KIAA1217: variants seen among roughly 807,000 people sequenced by gnomAD.
KIAA1217 encodes sickle tail protein homolog.
A neutral mutation model predicts 163.9 loss-of-function variants in KIAA1217; 88 were observed. The ratio of observed to expected loss-of-function variants is 0.54; its 90% CI spans 0.45 to 0.64. The LOEUF (loss-of-function observed/expected upper bound fraction) is 0.64, where lower values mean the gene tolerates loss of function less well. Among genes scored for constraint, KIAA1217 ranks in the 30% least tolerant of loss-of-function variants. KIAA1217 has a pLI of 0.00. For synonymous variants in KIAA1217, 903 were observed against 923.1 expected, an observed-to-expected ratio of 0.98 and a Z score of 0.39; for missense variants, 2,372 against 2,475.0, an observed-to-expected ratio of 0.96 and a Z score of 0.88.
intron 2 of KIAA1217, chr10:24,255,612 G>C: frequency 2.3e-6 from 1 of 442,766 alleles, no homozygotes; most frequent in Non-Finnish European, 4.5e-6. Flanking sequence ...GGAGTGGCCT[G>C]ATTCTGGGGT....
chr10:24,420,989 TTTTGTTTG>T (rs370766839), intron 3 of KIAA1217, among the ~76,000 whole-genome samples: 10 of 146,076 alleles, frequency 6.8e-5, no homozygotes, highest in African/African-American at 2.5e-4. Flanking sequence ...TTATAAGTGG[TTTTGTTTG>T]TTTGTTTGTT....
chr10:24,343,684 G>T (rs1394052702), intron 2 of KIAA1217, among the ~76,000 whole-genome samples: 5 of 152,132 alleles, frequency 3.3e-5, no homozygotes, highest in African/African-American at 1.2e-4. Context: ...ATTAAGCATT[G>T]TTTGTGTTCT....
At position 24,334,230 on chromosome 10, in the gene KIAA1217, A is replaced by G. The variant is rs532567432; in HGVS notation, c.355-46639A>G. Among the ~76,000 whole-genome samples the G allele has an allele frequency of 2.0e-5, 3 of 152,278 alleles. No homozygotes were observed. The South Asian group carries it at 6.2e-4, about 32-fold the overall frequency. On this transcript the variant is annotated intron_variant, in intron 2 of 20. Transcript: ENST00000376454. ...GATTAGTATTAGTTTTGGATGACTT[A>G]GTCTATTGCAAGAAAGTTTTCACTA...
At chr10:24,475,073 G>T (rs905002439) in intron 6 of KIAA1217, among the ~76,000 whole-genome samples, 2 of 152,230 alleles carry the variant, frequency 1.3e-5, no homozygotes, top group South Asian at 2.1e-4. Context: ...ACAAAAATTA[G>T]TCGGGTGTGG....
At chr10:24,027,459 T>C (rs1326856534) in intron 2 of KIAA1217, among the ~76,000 whole-genome samples, 1 of 152,114 alleles carries the variant, frequency 6.6e-6, no homozygotes, top group East Asian at 1.9e-4. Flanking sequence ...CAGAAACAAG[T>C]CAAAAACTAT....
chr10:23,890,648 G>A (rs541303184), intron 1 of KIAA1217, among the ~76,000 whole-genome samples: 3 of 152,002 alleles, frequency 2.0e-5, no homozygotes, highest in Middle Eastern at 6.8e-3. Context: ...TTTTTTGAAT[G>A]CATTATACAC....
intron 5 of KIAA1217, among the ~76,000 whole-genome samples, chr10:24,447,231 ATATT>A (rs1002993132): frequency 2.2e-4 from 33 of 151,188 alleles, no homozygotes; most frequent in African/African-American, 7.5e-4. Context: ...AATGATTTAT[ATATT>A]TATTTATTTA....
At chr10:24,100,928 AT>A (rs1564702063) in intron 2 of KIAA1217, among the ~76,000 whole-genome samples, 1 of 152,242 alleles carries the variant, frequency 6.6e-6, no homozygotes, top group Non-Finnish European at 1.5e-5. Context: ...CTAAAAATAT[AT>A]AGAAAAAATA....
chr10:24,437,916 A>AG (rs1362488585), intron 4 of KIAA1217, among the ~76,000 whole-genome samples: 6 of 149,518 alleles, frequency 4.0e-5, no homozygotes, highest in African/African-American at 1.5e-4. Context: ...CAAAAAAAAA[A>AG]AAAAAAAAAG....
intron 1 of KIAA1217, among the ~76,000 whole-genome samples, chr10:23,836,231 C>A (rs1306932758): frequency 1.3e-5 from 2 of 152,018 alleles, no homozygotes; most frequent in African/African-American, 4.8e-5. Flanking sequence ...CTTTTAAAAA[C>A]CTACTTTTCT....
chr10:24,028,545 A>C (rs1367666715), intron 2 of KIAA1217, among the ~76,000 whole-genome samples: 1 of 152,178 alleles, frequency 6.6e-6, no homozygotes, highest in Non-Finnish European at 1.5e-5. Flanking sequence ...ATGAAAGAAC[A>C]TAAAAGAATC....
At chr10:23,993,433 G>A (rs1482409884) in intron 1 of KIAA1217, among the ~76,000 whole-genome samples, 5 of 151,840 alleles carry the variant, frequency 3.3e-5, no homozygotes, top group Non-Finnish European at 7.4e-5. Context: ...CTATTGCTTA[G>A]TCCCCTCATC....
At chr10:24,173,951 C>A (rs1409135453) in intron 2 of KIAA1217, among the ~76,000 whole-genome samples, 1 of 152,192 alleles carries the variant, frequency 6.6e-6, no homozygotes, top group Non-Finnish European at 1.5e-5. Context: ...TTCTGAATGT[C>A]CCATGGGGCT....
chr10:23,863,221 A>G (rs1840036189), intron 1 of KIAA1217, among the ~76,000 whole-genome samples: 1 of 152,126 alleles, frequency 6.6e-6, no homozygotes, highest in African/African-American at 2.4e-5. Context: ...ATAAGCACTC[A>G]ATGCATATTA....
intron 2 of KIAA1217, among the ~76,000 whole-genome samples, chr10:24,021,539 T>C (rs1847732413): frequency 6.6e-6 from 1 of 152,006 alleles, no homozygotes. Flanking sequence ...ATCTACAGAT[T>C]CAGTGTAATA....
At chr10:24,076,874 C>A (rs1400779339) in intron 2 of KIAA1217, among the ~76,000 whole-genome samples, 1 of 142,582 alleles carries the variant, frequency 7.0e-6, no homozygotes, top group East Asian at 1.9e-4. Context: ...TTTTTATTTC[C>A]ATCTTTTTTT....
At chr10:24,492,928 C>T (rs2066332263) in intron 6 of KIAA1217, among the ~76,000 whole-genome samples, 1 of 152,020 alleles carries the variant, frequency 6.6e-6, no homozygotes, top group Admixed American at 6.6e-5. Flanking sequence ...TCACTGTAGC[C>T]TCCACCTCCC....
chr10:24,203,257 A>G (rs1224189080), intron 2 of KIAA1217, among the ~76,000 whole-genome samples: 1 of 152,130 alleles, frequency 6.6e-6, no homozygotes, highest in Non-Finnish European at 1.5e-5. Flanking sequence ...TAGCAAAATA[A>G]TAAAAATAAT....
chr10:24,042,577 A>G (rs1178306222), intron 2 of KIAA1217: 1 of 152,218 alleles, frequency 6.6e-6, no homozygotes, highest in Non-Finnish European at 1.5e-5. Flanking sequence ...ACTTCAATGA[A>G]TGAGACTTTC....
Sources: gnomAD v4.1 joint callset for allele counts (sites outside exome capture counted in the v4.1 genomes callset) on GRCh38, gnomAD v4.1.1 for gene constraint, MANE v1.5 for transcripts, NCBI Gene and HGNC (gene_info 2026-07-23, HGNC 2026-07-21) for gene names.